The following PEBP4 variants were observed in gnomAD, a reference collection of about 807,000 sequenced individuals.
PEBP4 encodes the protein phosphatidylethanolamine-binding protein 4.
PEBP4 carries 22 observed loss-of-function variants against 23.9 expected under a neutral mutation model. The observed-to-expected ratio is 0.92, with a 90% CI of 0.66 to 1.31. The LOEUF (loss-of-function observed/expected upper bound fraction) is 1.31, where lower values mean the gene tolerates loss of function less well. PEBP4 is among the 40% of genes most tolerant of loss of function. The pLI, the probability that PEBP4 is intolerant of heterozygous loss-of-function variation, is 0.00. For missense variants in PEBP4, 324 were observed against 281.7 expected (o/e 1.15, Z -1.07); for synonymous variants, 112 against 99.3 (o/e 1.13, Z -0.76).
chr8:22,870,094 A>C (rs1266490192), intron 3 of PEBP4, among the ~76,000 whole-genome samples: 2 of 152,252 alleles, frequency 1.3e-5, no homozygotes, highest in East Asian at 1.9e-4. Context: ...GTTTCAAGAC[A>C]CAAAACCTGC....
At chr8:22,714,213 T>C (rs151279061) in intron 6 of PEBP4, among the ~76,000 whole-genome samples, 3 of 152,010 alleles carry the variant, frequency 2.0e-5, no homozygotes, top group Non-Finnish European at 4.4e-5. Flanking sequence ...AACACAAGTG[T>C]GTACAGGGAG....
chr8:22,910,828 G>A (rs985233763), intron 3 of PEBP4, among the ~76,000 whole-genome samples: 2 of 152,228 alleles, frequency 1.3e-5, no homozygotes, highest in Non-Finnish European at 2.9e-5. Context: ...GGTGAAGCAC[G>A]GAGGATTTTC....
chr8:22,831,767 G>C (rs1403024896), intron 3 of PEBP4, among the ~76,000 whole-genome samples: 1 of 152,188 alleles, frequency 6.6e-6, no homozygotes, highest in African/African-American at 2.4e-5. Context: ...AGTGGAGTGT[G>C]CTCAGGAGGG....
chr8:22,718,590 G>T (rs1405261139), intron 6 of PEBP4, among the ~76,000 whole-genome samples: 1 of 152,202 alleles, frequency 6.6e-6, no homozygotes, highest in Non-Finnish European at 1.5e-5. Context: ...CTGGGTGGCT[G>T]CCAGGCCCCC....
intron 3 of PEBP4, chr8:22,897,737 T>C (rs1808617899): frequency 6.6e-6 from 1 of 152,200 alleles, no homozygotes; most frequent in Admixed American, 6.5e-5. Context: ...TCAGAGGCCC[T>C]GAGCTCTTGT....
Position 22,714,728 on chromosome 8 carries a change from G to A in PEBP4, c.518-1192C>T, listed in dbSNP as rs111357125. 1.8e-3 allele frequency among the ~76,000 whole-genome samples: 280 copies of A among 151,988 alleles called. 2 individuals are homozygous for A. The highest frequency in any genetic ancestry group is 6.3e-3 in the African/African-American group (262 of 41,432). On this transcript the variant is annotated intron_variant, in intron 6 of 6. Coordinates refer to ENST00000256404, the MANE Select transcript of PEBP4 (RefSeq NM_144962.3). ...TCTCAGAACCCCACTTGAGACTCACGGGCCACCCACCCTCCCACCTGCCTG... is the reference window on the plus strand; with the variant it reads ...TCTCAGAACCCCACTTGAGACTCACAGGCCACCCACCCTCCCACCTGCCTG...
intron 3 of PEBP4, among the ~76,000 whole-genome samples, chr8:22,839,541 T>C (rs141094282): frequency 6.6e-6 from 1 of 152,276 alleles, no homozygotes; most frequent in Non-Finnish European, 1.5e-5. Flanking sequence ...GGAGAATGAA[T>C]GGGTTACTAC....
At position 22,775,280 on chromosome 8, in the gene PEBP4, A is replaced by G. The variant is rs924483778; in HGVS notation, c.357+42357T>C. 6.6e-6 allele frequency among the ~76,000 whole-genome samples: 1 copy of G among 152,190 alleles called. No individual in the cohort carries two copies. The highest frequency in any genetic ancestry group is 2.1e-4 in the South Asian group (1 of 4,826). On this transcript the variant is annotated intron_variant, in intron 4 of 6. Transcript: ENST00000256404. This position sits in a 1 kb window ranked among gnomAD's most constrained non-coding sequence, Gnocchi z 4.8. Reference sequence around the variant, plus strand: ...TTTCAGGGACCCGGAAGCCCCAAGCATCTGGCAAGGAGGGTTCCTGAGGTG... The same window carrying G: ...TTTCAGGGACCCGGAAGCCCCAAGCGTCTGGCAAGGAGGGTTCCTGAGGTG...
rs111490205 is a variant in PEBP4, at chr8:22,896,323, C to T, written c.258+23861G>A. 2.6e-4 allele frequency: 39 copies of T among 152,328 alleles called. 1 individual carries two copies. The highest frequency in any genetic ancestry group is 9.1e-4 in the African/African-American group (38 of 41,576). 9.4% of individuals were successfully genotyped at this position (152,328 alleles called of 1,614,324 possible). ...CCCGCTGACCTATCAATTCTTACTCCAATGGCTCCTTTAACCGATAGTTGC... is the reference window on the plus strand; with the variant it reads ...CCCGCTGACCTATCAATTCTTACTCTAATGGCTCCTTTAACCGATAGTTGC... On this transcript the variant is annotated intron_variant, in intron 3 of 6. Coordinates refer to ENST00000256404, the MANE Select transcript of PEBP4 (RefSeq NM_144962.3).
chr8:22,933,786 G>A (rs1290986357), intron 1 of PEBP4, among the ~76,000 whole-genome samples: 1 of 152,136 alleles, frequency 6.6e-6, no homozygotes, highest in Non-Finnish European at 1.5e-5. Flanking sequence ...CAGTATTGTT[G>A]GAATTTTGGT....
intron 4 of PEBP4, among the ~76,000 whole-genome samples, chr8:22,728,079 C>T (rs1208990184): frequency 2.0e-5 from 3 of 152,096 alleles, no homozygotes; most frequent in Admixed American, 6.5e-5. Flanking sequence ...AGGTGATTAG[C>T]GTGACTCTTA....
intron 4 of PEBP4, chr8:22,757,714 G>A (rs528906803): frequency 1.3e-5 from 2 of 152,382 alleles, no homozygotes; most frequent in East Asian, 1.9e-4. Context: ...CTCCTCTTGG[G>A]GTACTGGGAC....
intron 3 of PEBP4, among the ~76,000 whole-genome samples, chr8:22,868,491 C>T (rs976688915): frequency 6.6e-6 from 1 of 152,012 alleles, no homozygotes; most frequent in Non-Finnish European, 1.5e-5. Flanking sequence ...CTTTTTATTC[C>T]CCACAGAACT....
intron 4 of PEBP4, among the ~76,000 whole-genome samples, chr8:22,815,626 G>T (rs1313293160): frequency 6.6e-6 from 1 of 152,218 alleles, no homozygotes; most frequent in Non-Finnish European, 1.5e-5. Context: ...GTGCAAATGT[G>T]ACGGAAACCC....
chr8:22,747,985 C>T (rs977109003), intron 4 of PEBP4, among the ~76,000 whole-genome samples: 5 of 152,162 alleles, frequency 3.3e-5, no homozygotes, highest in East Asian at 1.9e-4. Flanking sequence ...GGGTGGAGAG[C>T]GGAGGAAAGG....
intron 3 of PEBP4, among the ~76,000 whole-genome samples, chr8:22,891,668 G>T (rs1394898703): frequency 6.6e-6 from 1 of 152,204 alleles, no homozygotes. Flanking sequence ...GCCCACTTAG[G>T]TGGGCCCGCC....
intron 4 of PEBP4, among the ~76,000 whole-genome samples, chr8:22,782,166 T>A (rs1424310032): frequency 1.3e-5 from 2 of 152,208 alleles, no homozygotes; most frequent in Non-Finnish European, 2.9e-5. Context: ...TCTCTCGGGC[T>A]GGGTGCCAGA....
intron 3 of PEBP4, among the ~76,000 whole-genome samples, chr8:22,895,208 T>C (rs1808567181): frequency 6.6e-6 from 1 of 152,232 alleles, no homozygotes; most frequent in Non-Finnish European, 1.5e-5. Flanking sequence ...GGTATGGTTC[T>C]GTTCACTCAG....
intron 3 of PEBP4, among the ~76,000 whole-genome samples, chr8:22,877,246 C>T (rs903287257): frequency 1.3e-5 from 2 of 152,134 alleles, no homozygotes; most frequent in Non-Finnish European, 2.9e-5. Flanking sequence ...TCTCCCTGTC[C>T]TCAGTTGTCC....
Sources: allele counts gnomAD v4.1 joint callset (sites outside exome capture counted in the v4.1 genomes callset), GRCh38; gene constraint gnomAD v4.1.1; non-coding constraint Gnocchi (gnomAD v3.1); transcripts MANE v1.5; gene names NCBI Gene and HGNC (gene_info 2026-07-23, HGNC 2026-07-21).